Variants in LRP1B observed in about 807,000 individuals in gnomAD.
LRP1B encodes the protein LDL receptor related protein 1B, also known as low-density lipoprotein receptor-related protein 1B.
LRP1B carries 217 observed loss-of-function variants against 556.6 expected under a neutral mutation model. The ratio of observed to expected loss-of-function variants is 0.39; its 90% confidence interval spans 0.35 to 0.44. The LOEUF (loss-of-function observed/expected upper bound fraction) is 0.44. Ranked by LOEUF, LRP1B falls within the 20% of genes least tolerant of loss-of-function variation. The pLI, the probability that LRP1B is intolerant of heterozygous loss-of-function variation, is 1.00. For synonymous variants in LRP1B, 2,047 were observed against 1,865.8 expected (o/e 1.10, Z -2.50); for missense variants, 5,053 against 5,620.8 (o/e 0.90, Z 3.23).
intron 2 of LRP1B, among the ~76,000 whole-genome samples, chr2:141,645,543 C>G (rs1689531183): frequency 7.0e-6 from 1 of 143,106 alleles, no homozygotes; most frequent in South Asian, 2.2e-4. Context: ...TCCATTTCTC[C>G]AAAGGTAGGC....
intron 2 of LRP1B, among the ~76,000 whole-genome samples, chr2:141,639,363 CATATATAT>C (rs775633233): frequency 0.026 from 1,735 of 65,612 alleles, 66 homozygotes; most frequent in Admixed American, 0.04. Flanking sequence ...CACACACACA[CATATATAT>C]ATATACACAT....
At position 140,352,449 on chromosome 2, in the gene LRP1B, C is replaced by T. The variant is rs189512028; in HGVS notation, c.11650+504G>A. 2.2e-4 allele frequency among the ~76,000 whole-genome samples: 34 copies of T among 152,266 alleles called. No homozygotes were observed. The East Asian group carries it at 6.4e-3, about 29-fold the overall frequency. On this transcript the variant is annotated intron_variant, in intron 76 of 90. Coordinates refer to ENST00000389484, the MANE Select transcript of LRP1B (RefSeq NM_018557.3). Reference sequence around the variant, plus strand: ...TTGGCCTCCCAAGGTGCTGGGATTACAGGCATGAGCCACTGCACCAGGCCT... The same window carrying T: ...TTGGCCTCCCAAGGTGCTGGGATTATAGGCATGAGCCACTGCACCAGGCCT...
At chr2:140,621,053 AG>A (rs1171073714) in intron 41 of LRP1B, among the ~76,000 whole-genome samples, 1 of 152,060 alleles carries the variant, frequency 6.6e-6, no homozygotes, top group Non-Finnish European at 1.5e-5. Context: ...TGAGGTATAA[AG>A]TAACAGTTTT....
intron 1 of LRP1B, among the ~76,000 whole-genome samples, chr2:141,890,804 T>C (rs1316530564): frequency 2.0e-5 from 3 of 152,138 alleles, no homozygotes; most frequent in Admixed American, 6.6e-5. Flanking sequence ...ATGAAACTTA[T>C]GGGAATCCGT....
rs962770276 is a variant in LRP1B at position 141,459,435 on chromosome 2, G to A, written c.343+20961C>T. ...AGTAAATGTCTGAGGCTGAATTGTG[G>A]GTGCAGGCATATGTTCCTGAGTCTA... On this transcript the variant is annotated intron_variant, in intron 3 of 90. Transcript: ENST00000389484. 3.3e-5 allele frequency among the ~76,000 whole-genome samples: 5 copies of A among 152,076 alleles called. No individual in the cohort carries two copies. In the East Asian group the frequency reaches 5.8e-4, roughly 18 times the overall value.
intron 2 of LRP1B, among the ~76,000 whole-genome samples, chr2:141,661,793 A>T (rs1461066190): frequency 6.6e-6 from 1 of 152,226 alleles, no homozygotes; most frequent in Non-Finnish European, 1.5e-5. Context: ...CCAATCTAGC[A>T]AGACAGGCCA....
intron 32 of LRP1B, among the ~76,000 whole-genome samples, chr2:140,782,885 A>C (rs1689750346): frequency 6.6e-6 from 1 of 152,156 alleles, no homozygotes; most frequent in South Asian, 2.1e-4. Context: ...CACTGTTAAA[A>C]ATAAGCAAAT....
intron 35 of LRP1B, among the ~76,000 whole-genome samples, chr2:140,740,931 T>A (rs1339443600): frequency 6.6e-6 from 1 of 152,146 alleles, no homozygotes; most frequent in Non-Finnish European, 1.5e-5. Context: ...GGTCACATAC[T>A]GAGGGGCTAG....
At chr2:142,031,608 C>T (rs1417247621) in intron 1 of LRP1B, among the ~76,000 whole-genome samples, 1 of 144,970 alleles carries the variant, frequency 6.9e-6, no homozygotes, top group Non-Finnish European at 1.5e-5. Context: ...GACATATTGT[C>T]AACTAAAAAA....
At chr2:140,781,264 T>A (rs993379359) in intron 32 of LRP1B, among the ~76,000 whole-genome samples, 1 of 152,204 alleles carries the variant, frequency 6.6e-6, no homozygotes, top group African/African-American at 2.4e-5. Flanking sequence ...AGACCCCAAC[T>A]GTCCTGGAAA....
chr2:141,307,139 T>C (rs1438485973), intron 3 of LRP1B, among the ~76,000 whole-genome samples: 2 of 152,088 alleles, frequency 1.3e-5, no homozygotes, highest in Non-Finnish European at 2.9e-5. Context: ...ATGTGCAGTT[T>C]AAATCCTTTT....
At chr2:142,034,917 T>C (rs943459872) in intron 1 of LRP1B, among the ~76,000 whole-genome samples, 2 of 151,710 alleles carry the variant, frequency 1.3e-5, no homozygotes, top group African/African-American at 4.8e-5. Context: ...GTTTGTAAAG[T>C]TATAAAACTA....
intron 18 of LRP1B, among the ~76,000 whole-genome samples, chr2:140,977,240 C>T (rs1451842022): frequency 2.0e-5 from 3 of 152,060 alleles, no homozygotes; most frequent in Non-Finnish European, 2.9e-5. Context: ...CTCATGAGAT[C>T]TGAGGGTATC....
chr2:140,482,192 T>G (rs1034237371), intron 59 of LRP1B, among the ~76,000 whole-genome samples: 1 of 152,124 alleles, frequency 6.6e-6, no homozygotes, highest in East Asian at 1.9e-4. Flanking sequence ...GGACCATGCC[T>G]TTTATTTTTA....
chr2:141,116,978 T>C (rs528540171), intron 7 of LRP1B, among the ~76,000 whole-genome samples: 3 of 152,238 alleles, frequency 2.0e-5, no homozygotes, highest in South Asian at 2.1e-4. Flanking sequence ...TGGGTAACAT[T>C]ATCTGTCCAT....
intron 7 of LRP1B, among the ~76,000 whole-genome samples, chr2:141,181,281 A>G (rs1337523445): frequency 6.6e-6 from 1 of 151,930 alleles, no homozygotes; most frequent in Non-Finnish European, 1.5e-5. Flanking sequence ...AATACACTAA[A>G]GATCACATTA....
At chr2:141,198,420 A>C (rs1377954695) in intron 6 of LRP1B, among the ~76,000 whole-genome samples, 1 of 152,160 alleles carries the variant, frequency 6.6e-6, no homozygotes, top group Non-Finnish European at 1.5e-5. Context: ...CTGTTTCTTA[A>C]ACAGATAAAA....
intron 1 of LRP1B, among the ~76,000 whole-genome samples, chr2:142,082,473 G>A (rs975228137): frequency 6.6e-6 from 1 of 152,082 alleles, no homozygotes; most frequent in Non-Finnish European, 1.5e-5. Flanking sequence ...CAAACCCTGG[G>A]GATCCAAGTC....
intron 41 of LRP1B, among the ~76,000 whole-genome samples, chr2:140,635,869 T>C (rs1435716027): frequency 2.0e-5 from 3 of 152,096 alleles, no homozygotes; most frequent in Admixed American, 2.0e-4. Context: ...TTGAGTGAAA[T>C]AACATGTTGA....
Sources: gnomAD v4.1 joint callset for allele counts (sites outside exome capture counted in the v4.1 genomes callset) on GRCh38, gnomAD v4.1.1 for gene constraint, MANE v1.5 for transcripts, NCBI Gene and HGNC (gene_info 2026-07-23, HGNC 2026-07-21) for gene names.